MAF: variants seen among roughly 807,000 people sequenced by gnomAD.
The protein encoded by MAF is MAF bZIP transcription factor.
MAF carries 10 observed loss-of-function variants against 22.0 expected under a neutral mutation model. The ratio of observed to expected loss-of-function variants is 0.45; its 90% CI spans 0.28 to 0.77. The LOEUF (loss-of-function observed/expected upper bound fraction) is 0.77, where lower values mean the gene tolerates loss of function less well. Ranked by LOEUF, MAF falls within the 30% of genes least tolerant of loss-of-function variation. The pLI, the probability that MAF is intolerant of heterozygous loss-of-function variation, is 0.12. For missense variants in MAF, 544 were observed against 548.4 expected, an observed-to-expected ratio of 0.99 and a Z score of 0.08; for synonymous variants, 337 against 255.8, an observed-to-expected ratio of 1.32 and a Z score of -3.03.
the MAF span, among the ~76,000 whole-genome samples, chr16:79,438,893 G>C: frequency 6.6e-6 from 1 of 152,162 alleles, no homozygotes; most frequent in Admixed American, 6.5e-5. Context: ...TCATCCCTGG[G>C]ACCGTCCAGG....
At chr16:79,435,070 A>G in the MAF span, among the ~76,000 whole-genome samples, 1 of 152,188 alleles carries the variant, frequency 6.6e-6, no homozygotes, top group Non-Finnish European at 1.5e-5. Context: ...CCCATCAACG[A>G]AGACTCTGTT....
chr16:79,384,936 A>G, the MAF span, among the ~76,000 whole-genome samples: 1 of 152,114 alleles, frequency 6.6e-6, no homozygotes, highest in Non-Finnish European at 1.5e-5. Flanking sequence ...GACAGAGGAA[A>G]TATTTGAAGA....
At chr16:79,236,193 T>G in the MAF span, among the ~76,000 whole-genome samples, 1 of 152,098 alleles carries the variant, frequency 6.6e-6, no homozygotes, top group Non-Finnish European at 1.5e-5. Context: ...CGCCATAGCT[T>G]GTGCGCTCAA....
At chr16:79,236,944 G>GGA in the MAF span, among the ~76,000 whole-genome samples, 8 of 140,658 alleles carry the variant, frequency 5.7e-5, no homozygotes, top group African/African-American at 1.8e-4. Context: ...ATAAATCTCG[G>GGA]AAAAAAAAAA....
rs75786062 is a variant in MAF at position 79,587,718 on chromosome 16, A to C, written c.1119-1777T>G. Among the ~76,000 whole-genome samples the C allele has an allele frequency of 2.6e-5, 4 of 152,246 alleles. No homozygotes were observed. In the East Asian group the frequency reaches 7.7e-4, roughly 29 times the overall value. On this transcript the variant is annotated intron_variant, in intron 1 of 1. Transcript: ENST00000569649. The stretch of plus-strand genomic sequence containing the variant: ...CCGTTATTTTTGGAGGAAAAAAAAC[A>C]GGCCTCATTAAATGCGATATTTGGC...
chr16:79,373,961 G>A, the MAF span, among the ~76,000 whole-genome samples: 2 of 152,148 alleles, frequency 1.3e-5, no homozygotes, highest in Non-Finnish European at 2.9e-5. Context: ...CAAGAAAATT[G>A]TCCAACACAG....
At chr16:79,391,878 GAGGAGGAGGAGGAGGAGGAGC>G in the MAF span, among the ~76,000 whole-genome samples, 3 of 130,584 alleles carry the variant, frequency 2.3e-5, no homozygotes, top group Non-Finnish European at 5.5e-5. Flanking sequence ...GGAGAAGGAG[GAGGAGGAGGAGGAGGAGGAGC>G]AGGAGGAGGA....
At chr16:79,352,275 A>G in the MAF span, among the ~76,000 whole-genome samples, 22 of 152,190 alleles carry the variant, frequency 1.4e-4, no homozygotes, top group Admixed American at 2.6e-4. Context: ...GTTTCTGTCA[A>G]TGCAAGACTC....
At chr16:79,220,364 C>T in the MAF span, among the ~76,000 whole-genome samples, 1 of 151,798 alleles carries the variant, frequency 6.6e-6, no homozygotes, top group African/African-American at 2.4e-5. Context: ...TCAAAAGAAC[C>T]AACTAGTGTA....
chr16:79,567,581 G>T, the MAF span, among the ~76,000 whole-genome samples: 2 of 152,076 alleles, frequency 1.3e-5, no homozygotes, highest in African/African-American at 2.4e-5. Context: ...TTCCTGTCCT[G>T]ATCTGGGTCA....
the MAF span, among the ~76,000 whole-genome samples, chr16:79,411,286 T>A: frequency 5.9e-5 from 9 of 152,246 alleles, no homozygotes; most frequent in South Asian, 2.1e-4. Flanking sequence ...AATAACCTCT[T>A]TGGTGAATTA....
At chr16:79,371,900 T>G in the MAF span, among the ~76,000 whole-genome samples, 1 of 152,230 alleles carries the variant, frequency 6.6e-6, no homozygotes, top group African/African-American at 2.4e-5. Context: ...GTTGGTAGGT[T>G]ATTCACTCTC....
At chr16:79,222,362 G>C in the MAF span, among the ~76,000 whole-genome samples, 3 of 152,048 alleles carry the variant, frequency 2.0e-5, no homozygotes, top group Admixed American at 6.6e-5. Context: ...AGGAACAACT[G>C]ATACCAGCCA....
At chr16:79,467,995 C>T in the MAF span, among the ~76,000 whole-genome samples, 1 of 152,040 alleles carries the variant, frequency 6.6e-6, no homozygotes, top group African/African-American at 2.4e-5. Flanking sequence ...AAAACATTAA[C>T]ATTATTGATT....
In MAF at chr16:79,599,321, G is replaced by A; in HGVS notation, c.582C>T (p.His194=). 3.0e-6 allele frequency: 3 copies of A among 984,686 alleles called. No individual in the cohort carries two copies. Among genetic ancestry groups the A allele is most frequent in the Non-Finnish European group, 3.6e-6 (3 of 830,904 alleles). 61.0% of individuals were successfully genotyped at this position (984,686 alleles called of 1,614,324 possible). The part of the protein sequence containing the change: ...HHHHAAGHHH[H]PTAGAPGAAG... ...CGGCGCCGGGCGCGCCGGCCGTCGG[G>A]TGGTGGTGGTGGCCGGCGGCGTGGT... is the stretch of plus-strand genomic sequence containing the variant. Residue 194 remains histidine (H), a synonymous_variant, in exon 1 of 2, where the codon CAC becomes CAT. Coordinates refer to ENST00000326043, the MANE Select transcript of MAF (RefSeq NM_005360.5).
At chr16:79,593,186 C>T (rs1913285465), downstream of MAF, among the ~76,000 whole-genome samples, 3 of 152,120 alleles carry the variant, frequency 2.0e-5, no homozygotes, top group South Asian at 2.1e-4. Flanking sequence ...GAGTGTATTT[C>T]GTAAAGCCAA....
At chr16:79,236,509 T>A in the MAF span, among the ~76,000 whole-genome samples, 328 of 152,240 alleles carry the variant, frequency 2.2e-3, 2 homozygotes, top group African/African-American at 7.1e-3. Flanking sequence ...TTTGTGTGTT[T>A]AGTCTTGTTT....
chr16:79,319,191 G>C, the MAF span, among the ~76,000 whole-genome samples: 143 of 152,256 alleles, frequency 9.4e-4, no homozygotes, highest in African/African-American at 3.2e-3. Context: ...GGGAGGTGGG[G>C]GGAGGTCCCC....
chr16:79,399,569 A>C, the MAF span, among the ~76,000 whole-genome samples: 2 of 152,208 alleles, frequency 1.3e-5, no homozygotes, highest in Non-Finnish European at 2.9e-5. Flanking sequence ...TTTTTCAACT[A>C]ATTTTAAAAA....
Sources: allele counts gnomAD v4.1 joint callset (sites outside exome capture counted in the v4.1 genomes callset), GRCh38; gene constraint gnomAD v4.1.1; transcripts MANE v1.5; gene names NCBI Gene and HGNC (gene_info 2026-07-23, HGNC 2026-07-21).